The following RBFOX1 variants were observed in gnomAD, a reference collection of about 807,000 sequenced individuals.
RBFOX1 encodes the protein RNA binding protein fox-1 homolog 1.
A neutral mutation model predicts 57.7 loss-of-function variants in RBFOX1; 8 were observed. The ratio of observed to expected loss-of-function variants is 0.14; its 90% CI spans 0.08 to 0.25. The LOEUF (loss-of-function observed/expected upper bound fraction) is 0.25, where lower values mean the gene tolerates loss of function less well. Among genes scored for constraint, RBFOX1 ranks in the 10% least tolerant of loss-of-function variants. RBFOX1 has a pLI of 1.00. For synonymous variants in RBFOX1, 326 were observed against 222.4 expected (o/e 1.47, Z -4.15); for missense variants, 611 against 548.5 (o/e 1.11, Z -1.14).
At chr16:5,699,867 T>C (rs955031596) in intron 3 of RBFOX1, among the ~76,000 whole-genome samples, 2 of 152,200 alleles carry the variant, frequency 1.3e-5, no homozygotes, top group Admixed American at 1.3e-4. Context: ...GGAGTCTTGC[T>C]CTGTCGCCCA....
chr16:6,878,057 A>C (rs76669607), intron 3 of RBFOX1, among the ~76,000 whole-genome samples: 4 of 152,166 alleles, frequency 2.6e-5, no homozygotes, highest in African/African-American at 9.7e-5. Context: ...TGAAAGACAC[A>C]CAAGGGTAGG....
chr16:7,596,556 C>G (rs2094711087), intron 8 of RBFOX1, among the ~76,000 whole-genome samples: 2 of 152,058 alleles, frequency 1.3e-5, no homozygotes, highest in Non-Finnish European at 1.5e-5. Context: ...TCTGCCGTTT[C>G]ACGTATTTAG....
chr16:6,924,984 A>C (rs1241934521), intron 3 of RBFOX1, among the ~76,000 whole-genome samples: 1 of 151,348 alleles, frequency 6.6e-6, no homozygotes, highest in African/African-American at 2.4e-5. Context: ...GATGGTTTCC[A>C]GTTTCATCCA....
chr16:6,865,899 A>G (rs1200199562), intron 3 of RBFOX1, among the ~76,000 whole-genome samples: 2 of 152,180 alleles, frequency 1.3e-5, no homozygotes, highest in Non-Finnish European at 2.9e-5. Context: ...TAAGTAACTT[A>G]GTGTTGAAAC....
At chr16:6,268,921 C>A (rs1412722374) in intron 1 of RBFOX1, among the ~76,000 whole-genome samples, 1 of 152,198 alleles carries the variant, frequency 6.6e-6, no homozygotes, top group African/African-American at 2.4e-5. Flanking sequence ...CATGGATGTT[C>A]AAGTTCCTGA....
chr16:6,946,550 A>C (rs769030504), intron 3 of RBFOX1, among the ~76,000 whole-genome samples: 6 of 152,136 alleles, frequency 3.9e-5, no homozygotes, highest in Admixed American at 3.9e-4. Context: ...CTTCTTTCAT[A>C]AAAGCTTCTT....
intron 3 of RBFOX1, among the ~76,000 whole-genome samples, chr16:5,767,482 T>C (rs1379673900): frequency 6.6e-6 from 1 of 152,108 alleles, no homozygotes; most frequent in Non-Finnish European, 1.5e-5. Context: ...TAGAAAGGCA[T>C]GAAGCATGTG....
At chr16:5,551,212 G>T (rs2045451182) in intron 2 of RBFOX1, among the ~76,000 whole-genome samples, 5 of 152,146 alleles carry the variant, frequency 3.3e-5, no homozygotes, top group Admixed American at 3.3e-4. Context: ...ACTTCCTCCA[G>T]CAAGCACTTT....
intron 3 of RBFOX1, among the ~76,000 whole-genome samples, chr16:5,657,885 C>T (rs2049504208): frequency 6.6e-6 from 1 of 151,806 alleles, no homozygotes; most frequent in Non-Finnish European, 1.5e-5. Flanking sequence ...GCATCCACAA[C>T]AACGCCAGGC....
At chr16:7,636,125 T>C (rs780593754) in intron 11 of RBFOX1, among the ~76,000 whole-genome samples, 1 of 152,236 alleles carries the variant, frequency 6.6e-6, no homozygotes, top group African/African-American at 2.4e-5. Context: ...TACCTCTTTT[T>C]CTATTCCCTC....
chr16:5,566,217 C>G lies in RBFOX1; in HGVS notation c.259-32685C>G, dbSNP rs756999002. Reference sequence around the variant, plus strand: ...CAATGGGGATGTGAATCCGACCACACTTGGTCTCCTCCTTCCCAGTCACTG... The same window carrying G: ...CAATGGGGATGTGAATCCGACCACAGTTGGTCTCCTCCTTCCCAGTCACTG... On this transcript the variant is annotated intron_variant, in intron 2 of 2. Transcript: ENST00000585867. Among the ~76,000 whole-genome samples, 8 of 152,122 alleles carry G rather than the reference C, an allele frequency of 5.3e-5. 1 individual carries two copies. The South Asian group carries it at 1.5e-3, about 28-fold the overall frequency.
At chr16:7,000,072 A>AG (rs1555741014) in intron 3 of RBFOX1, among the ~76,000 whole-genome samples, 2 of 102,028 alleles carry the variant, frequency 2.0e-5, no homozygotes, top group East Asian at 4.9e-4. Context: ...TCTGTTTCAA[A>AG]GAAAAAAAAA....
intron 3 of RBFOX1, among the ~76,000 whole-genome samples, chr16:6,881,961 C>T (rs566598950): frequency 6.6e-6 from 1 of 152,210 alleles, no homozygotes; most frequent in African/African-American, 2.4e-5. Flanking sequence ...AAGAAGGGAA[C>T]TTGGTTATGG....
At chr16:7,462,407 C>G (rs1032872750) in intron 4 of RBFOX1, among the ~76,000 whole-genome samples, 3 of 152,224 alleles carry the variant, frequency 2.0e-5, no homozygotes, top group South Asian at 2.1e-4. Flanking sequence ...AGGAGAATCA[C>G]TTAAACCCAG....
chr16:6,054,897 C>G (rs189805602), intron 1 of RBFOX1, among the ~76,000 whole-genome samples: 1 of 152,208 alleles, frequency 6.6e-6, no homozygotes, highest in Admixed American at 6.5e-5. Flanking sequence ...ATTCTCCTGC[C>G]TCAGCCTCCC....
At chr16:5,930,855 T>C (rs116119587) in intron 4 of RBFOX1, among the ~76,000 whole-genome samples, 6,305 of 141,280 alleles carry the variant, frequency 0.045, 533 homozygotes, top group African/African-American at 0.16. Context: ...CACCGATGGA[T>C]GCATGGATGG....
At chr16:7,452,517 G>A (rs1348417578) in intron 4 of RBFOX1, among the ~76,000 whole-genome samples, 1 of 152,114 alleles carries the variant, frequency 6.6e-6, no homozygotes, top group African/African-American at 2.4e-5. Flanking sequence ...CAGTAACACA[G>A]GAAAATAAAT....
intron 2 of RBFOX1, among the ~76,000 whole-genome samples, chr16:6,344,477 A>G (rs1044884372): frequency 7.3e-6 from 1 of 136,600 alleles, no homozygotes; most frequent in Non-Finnish European, 1.5e-5. Context: ...AGCGCACTGC[A>G]TGCTCTGCCT....
At chr16:7,051,919 A>G (rs1242968139) in intron 3 of RBFOX1, 138 bp from the exon 4 acceptor site, 1 of 1,346,262 alleles carries the variant, frequency 7.4e-7, no homozygotes, top group East Asian at 2.6e-5. Context: ...ATGTAGACCT[A>G]AAGAAAAATT....
Sources: allele counts gnomAD v4.1 joint callset (sites outside exome capture counted in the v4.1 genomes callset), GRCh38; gene constraint gnomAD v4.1.1; transcripts MANE v1.5; gene names NCBI Gene and HGNC (gene_info 2026-07-23, HGNC 2026-07-21).